The following ASMT variants were observed in gnomAD, a reference collection of about 807,000 sequenced individuals.
The protein encoded by ASMT is acetylserotonin N-methyltransferase.
In ASMT, 53 loss-of-function variants were observed where a neutral mutation model predicts 41.3. The ratio of observed to expected loss-of-function variants is 1.28; its 90% CI spans 1.03 to 1.61. The LOEUF is 1.61. ASMT is among the 40% of genes most tolerant of loss of function. The pLI is 0.00. For missense variants in ASMT, 531 were observed against 441.3 expected (o/e 1.20, Z -1.82); for synonymous variants, 231 against 184.8 (o/e 1.25, Z -2.03).
At chrX:1,620,922 G>A (rs1192251085) in intron 1 of ASMT, among the ~76,000 whole-genome samples, 3 of 133,864 alleles carry the variant, frequency 2.2e-5, no homozygotes, top group African/African-American at 6.8e-5. Context: ...AACAAATAAA[G>A]ATACCAAAAA....
At chrX:1,634,916 C>G (rs1299960002) in intron 7 of ASMT, among the ~76,000 whole-genome samples, 17 of 151,640 alleles carry the variant, frequency 1.1e-4, no homozygotes, top group Non-Finnish European at 2.2e-4. Context: ...CCACCTGCCT[C>G]GGCCTCCCAA....
intron 1 of ASMT, among the ~76,000 whole-genome samples, chrX:1,620,530 T>C (rs1416807117): frequency 2.0e-5 from 3 of 152,094 alleles, no homozygotes; most frequent in Non-Finnish European, 4.4e-5. Flanking sequence ...TATGCAGACT[T>C]ACTGAAACAA....
chrX:1,615,973 C>T (rs1334594881), intron 1 of ASMT, among the ~76,000 whole-genome samples: 4 of 152,030 alleles, frequency 2.6e-5, no homozygotes, highest in Admixed American at 2.0e-4. Context: ...TTACACTGTG[C>T]GTTTATCATA....
intron 4 of ASMT, among the ~76,000 whole-genome samples, chrX:1,629,357 C>T (rs1225184828): frequency 6.6e-6 from 1 of 152,030 alleles, no homozygotes; most frequent in African/African-American, 2.4e-5. Flanking sequence ...CTTCCAACAC[C>T]AGAGCCCTGT....
rs1399721642 is a variant in ASMT, at chrX:1,629,946, A to G, written c.562+7A>G. 6.2e-7 allele frequency: 1 copy of G among 1,602,688 alleles called. No homozygotes were observed. The highest frequency in any genetic ancestry group is 1.1e-5 in the South Asian group (1 of 90,844). ...CTTATGTGTGACCTTGGTGGTAAGT[A>G]CCCCTCACCACTAATACCTCGGAGG... On this transcript the variant is annotated splice_region_variant and intron_variant, in intron 5 of 8. Coordinates refer to ENST00000381241, the MANE Select transcript of ASMT (RefSeq NM_001171038.2).
intron 1 of ASMT, among the ~76,000 whole-genome samples, chrX:1,616,136 C>G (rs1292822505): frequency 6.7e-6 from 1 of 149,698 alleles, no homozygotes; most frequent in African/African-American, 2.5e-5. Flanking sequence ...TCAGGCTATT[C>G]TCCTGCTTCA....
At chrX:1,627,793 C>G in intron 4 of ASMT, 22 bp downstream of exon 4, 1 of 1,608,512 alleles carries the variant, frequency 6.2e-7, no homozygotes, top group Non-Finnish European at 8.5e-7. Flanking sequence ...CACTTTGAAA[C>G]CAACAACTCA....
Position 1,633,624 on chromosome X carries a change from C to T in ASMT, c.787+334C>T, listed in dbSNP as rs778922642. Among the ~76,000 whole-genome samples, 405 of 150,700 alleles carry T rather than the reference C, an allele frequency of 2.7e-3. 2 individuals are homozygous for T. Among genetic ancestry groups the T allele is most frequent in the Non-Finnish European group, 4.1e-3 (279 of 67,788 alleles). ...CCAAGTAGCTGGGATTACAGGCATG[C>T]GCCACCACATCCAGCTAATTTTTTT... On this transcript the variant is annotated intron_variant, in intron 7 of 8. Transcript: ENST00000381241.
chrX:1,628,974 CTCCT>C (rs1327396732), intron 4 of ASMT, among the ~76,000 whole-genome samples: 1 of 147,078 alleles, frequency 6.8e-6, no homozygotes, highest in Non-Finnish European at 1.5e-5. Context: ...TTCCTTCTTT[CTCCT>C]TCCTTCCTTC....
chrX:1,616,475 CAG>C (rs1261140515), intron 1 of ASMT, among the ~76,000 whole-genome samples: 1 of 151,402 alleles, frequency 6.6e-6, no homozygotes, highest in East Asian at 1.9e-4. Flanking sequence ...TTAACGGAGA[CAG>C]TGTCCCTTTT....
chrX:1,635,131 C>T (rs1244837166), intron 7 of ASMT, among the ~76,000 whole-genome samples: 9 of 142,084 alleles, frequency 6.3e-5, no homozygotes, highest in Non-Finnish European at 1.4e-4. Context: ...CCCACCACCA[C>T]GCCCAGCTAA....
chrX:1,618,816 A>C (rs1352440990), intron 1 of ASMT, among the ~76,000 whole-genome samples: 1 of 152,166 alleles, frequency 6.6e-6, no homozygotes, highest in Non-Finnish European at 1.5e-5. Flanking sequence ...GCCTCCTTTG[A>C]CCGCAGGCCT....
intron 1 of ASMT, among the ~76,000 whole-genome samples, chrX:1,617,482 C>G (rs1169290237): frequency 2.6e-5 from 4 of 151,574 alleles, no homozygotes; most frequent in African/African-American, 9.7e-5. Flanking sequence ...AGAACAAAAA[C>G]CAAAAACCAG....
chrX:1,615,314 C>T, intron 1 of ASMT, 46 bp downstream of exon 1: 1 of 1,496,622 alleles, frequency 6.7e-7, no homozygotes, highest in Non-Finnish European at 9.1e-7. Flanking sequence ...TTCCGTTCAT[C>T]ACACTCACGT....
chrX:1,640,536 A>ATG (rs1456855751), intron 8 of ASMT, among the ~76,000 whole-genome samples: 1 of 50,008 alleles, frequency 2.0e-5, no homozygotes, highest in Non-Finnish European at 3.3e-5. Context: ...GCCTCTGTGT[A>ATG]TGATGGGGAC....
intron 6 of ASMT, 42 bp downstream of exon 6, chrX:1,632,829 A>C: frequency 2.1e-6 from 1 of 481,350 alleles, no homozygotes; most frequent in South Asian, 2.1e-5. Flanking sequence ...CAGGGAGGGG[A>C]ACGTCACACA....
In ASMT at chrX:1,616,183, C is replaced by T. The variant is rs1422331504; in HGVS notation, c.69+915C>T. ...ATCTGGGATTACAGGCACCCACCAC[C>T]ACGCCCGGCTAATTTTTGTATTTTT... On this transcript the variant is annotated intron_variant, in intron 1 of 8. Transcript: ENST00000381241. Among the ~76,000 whole-genome samples, 4 of 139,762 alleles carry T rather than the reference C, an allele frequency of 2.9e-5. 1 individual carries two copies. The highest frequency in any genetic ancestry group is 7.8e-5 in the African/African-American group (3 of 38,502). 91.7% of individuals were successfully genotyped at this position (139,762 alleles called of 152,430 possible).
At chrX:1,632,935 A>G in intron 6 of ASMT, 148 bp downstream of exon 6, 2 of 656,762 alleles carry the variant, frequency 3.0e-6, no homozygotes, top group South Asian at 3.5e-5. Context: ...GGGTGCAGCA[A>G]ACCACCATGG....
intron 1 of ASMT, among the ~76,000 whole-genome samples, chrX:1,615,622 G>C (rs1251830481): frequency 1.3e-5 from 2 of 151,994 alleles, no homozygotes; most frequent in Non-Finnish European, 2.9e-5. Flanking sequence ...GACCCACACA[G>C]AGAAACCCCA....
Sources: allele counts gnomAD v4.1 joint callset (sites outside exome capture counted in the v4.1 genomes callset), GRCh38; gene constraint gnomAD v4.1.1; transcripts MANE v1.5; gene names NCBI Gene and HGNC (gene_info 2026-07-23, HGNC 2026-07-21).